Variants in LOC128462377 observed in about 807,000 individuals in gnomAD.
chr16:89,368,371 G>GTTTT, the LOC128462377 span, among the ~76,000 whole-genome samples: 33 of 56,596 alleles, frequency 5.8e-4, 2 homozygotes, highest in East Asian at 3.1e-3. Context: ...TAATTTTTGT[G>GTTTT]TTTTTTTTTT....
chr16:89,409,225 T>C, the LOC128462377 span, among the ~76,000 whole-genome samples: 1 of 152,132 alleles, frequency 6.6e-6, no homozygotes, highest in Non-Finnish European at 1.5e-5. Context: ...CCCTCAGCAA[T>C]TCCACCCGCC....
the LOC128462377 span, among the ~76,000 whole-genome samples, chr16:89,416,567 G>C: frequency 6.6e-6 from 1 of 151,954 alleles, no homozygotes; most frequent in Non-Finnish European, 1.5e-5. Flanking sequence ...CAAAGTGCTG[G>C]GATTACAGGC....
At chr16:89,362,501 T>C in the LOC128462377 span, among the ~76,000 whole-genome samples, 3 of 152,242 alleles carry the variant, frequency 2.0e-5, no homozygotes, top group Non-Finnish European at 2.9e-5. Flanking sequence ...ACTGAACCCA[T>C]GTGTCCAGCA....
chr16:89,409,101 G>C, the LOC128462377 span, among the ~76,000 whole-genome samples: 3 of 152,180 alleles, frequency 2.0e-5, no homozygotes, highest in South Asian at 2.1e-4. Flanking sequence ...GGGGGCCCAG[G>C]CCAGTGAGCC....
the LOC128462377 span, among the ~76,000 whole-genome samples, chr16:89,360,291 T>G: frequency 6.6e-6 from 1 of 152,190 alleles, no homozygotes; most frequent in Admixed American, 6.5e-5. Flanking sequence ...GGGATGGGGC[T>G]TCACTATGTT....
At chr16:89,331,667 C>T in the LOC128462377 span, among the ~76,000 whole-genome samples, 1 of 152,206 alleles carries the variant, frequency 6.6e-6, no homozygotes, top group Non-Finnish European at 1.5e-5. Flanking sequence ...GTCGCCCAGG[C>T]TGCAGTGTAA....
the LOC128462377 span, among the ~76,000 whole-genome samples, chr16:89,338,056 A>G: frequency 6.6e-6 from 1 of 152,144 alleles, no homozygotes; most frequent in Non-Finnish European, 1.5e-5. Flanking sequence ...CACCAGGACC[A>G]CTGTGTCGCG....
At chr16:89,317,871 G>A in the LOC128462377 span, among the ~76,000 whole-genome samples, 1 of 152,082 alleles carries the variant, frequency 6.6e-6, no homozygotes, top group Non-Finnish European at 1.5e-5. Context: ...ATAGCCAAGG[G>A]CTCCCATGCA....
the LOC128462377 span, among the ~76,000 whole-genome samples, chr16:89,356,128 G>A: frequency 6.6e-6 from 1 of 152,348 alleles, no homozygotes; most frequent in South Asian, 2.1e-4. Flanking sequence ...CTATGAACTA[G>A]TGCTTTTCAC....
chr16:89,343,257 T>C, the LOC128462377 span, among the ~76,000 whole-genome samples: 1 of 152,168 alleles, frequency 6.6e-6, no homozygotes, highest in Non-Finnish European at 1.5e-5. Context: ...CCTCCCGAAG[T>C]GCTGGGATTA....
the LOC128462377 span, among the ~76,000 whole-genome samples, chr16:89,364,744 C>T: frequency 2.0e-5 from 3 of 152,214 alleles, no homozygotes; most frequent in African/African-American, 7.2e-5. Context: ...CAAGCTTGCC[C>T]TATCTCACAC....
the LOC128462377 span, among the ~76,000 whole-genome samples, chr16:89,348,411 A>G: frequency 6.6e-6 from 1 of 152,182 alleles, no homozygotes; most frequent in African/African-American, 2.4e-5. Context: ...TTAAATTTAC[A>G]TCAGTATTAA....
chr16:89,403,052 T>A, the LOC128462377 span, among the ~76,000 whole-genome samples: 1 of 152,176 alleles, frequency 6.6e-6, no homozygotes, highest in African/African-American at 2.4e-5. Flanking sequence ...CTCGCTCAAC[T>A]GCGTGGTGGC....
chr16:89,378,102 T>C, the LOC128462377 span, among the ~76,000 whole-genome samples: 2 of 152,118 alleles, frequency 1.3e-5, no homozygotes, highest in Admixed American at 1.3e-4. Context: ...ATAATCCCAG[T>C]GCACTGGGAG....
At chr16:89,333,453 C>G in the LOC128462377 span, among the ~76,000 whole-genome samples, 1 of 152,170 alleles carries the variant, frequency 6.6e-6, no homozygotes, top group Non-Finnish European at 1.5e-5. Context: ...TGATGTGGAC[C>G]CACCGTTGTG....
At chr16:89,395,519 G>T in the LOC128462377 span, among the ~76,000 whole-genome samples, 1 of 152,226 alleles carries the variant, frequency 6.6e-6, no homozygotes, top group South Asian at 2.1e-4. Context: ...CACCCGAACG[G>T]GGAACCGAAT....
chr16:89,349,305 C>A, the LOC128462377 span, among the ~76,000 whole-genome samples: 1 of 151,730 alleles, frequency 6.6e-6, no homozygotes, highest in Non-Finnish European at 1.5e-5. Context: ...ACGGTGAAAC[C>A]CCATCTCTAC....
At chr16:89,337,426 A>ATT in the LOC128462377 span, among the ~76,000 whole-genome samples, 356 of 43,762 alleles carry the variant, frequency 8.1e-3, 7 homozygotes, top group Admixed American at 0.014. Context: ...GGTCTAAGCA[A>ATT]TTCTTTTTTT....
At chr16:89,343,150 G>A in the LOC128462377 span, among the ~76,000 whole-genome samples, 1 of 152,146 alleles carries the variant, frequency 6.6e-6, no homozygotes, top group South Asian at 2.1e-4. Context: ...CACCACGCCT[G>A]GCTCATGTTT....
Sources: allele counts gnomAD v4.1 joint callset (sites outside exome capture counted in the v4.1 genomes callset), GRCh38; gene constraint gnomAD v4.1.1; transcripts MANE v1.5.